CLCN5: variants seen among roughly 807,000 people sequenced by gnomAD.
CLCN5 encodes the protein H(+)/Cl(-) exchange transporter 5.
Under a neutral mutation model 54.0 loss-of-function variants are expected in CLCN5, and 17 were observed. The ratio of observed to expected loss-of-function variants is 0.31; its 90% CI spans 0.22 to 0.47. CLCN5 has a LOEUF of 0.47. Ranked by LOEUF, CLCN5 falls within the 20% of genes least tolerant of loss-of-function variation. The pLI is 1.00. For synonymous variants in CLCN5, 222 were observed against 233.0 expected (o/e 0.95, Z 0.43); for missense variants, 448 against 646.7 (o/e 0.69, Z 3.33).
At chrX:50,046,407 C>T (rs1557187755) in intron 4 of CLCN5, among the ~76,000 whole-genome samples, 1 of 111,991 alleles carries the variant, frequency 8.9e-6, no homozygotes, top group Admixed American at 9.5e-5. Flanking sequence ...CCTTGCTACT[C>T]CCTAACTGTT....
intron 4 of CLCN5, among the ~76,000 whole-genome samples, chrX:50,063,743 C>T (rs374650196): frequency 2.7e-5 from 3 of 109,830 alleles, no homozygotes; most frequent in Non-Finnish European, 5.7e-5. Context: ...TGATGAACAT[C>T]GATGCAAAAA....
intron 3 of CLCN5, among the ~76,000 whole-genome samples, chrX:49,941,717 G>GA (rs1248689440): frequency 9.1e-6 from 1 of 110,380 alleles, no homozygotes; most frequent in Non-Finnish European, 1.9e-5. Context: ...CCCACAACCA[G>GA]AAAAAATATC....
In CLCN5 at chrX:49,925,188, C is replaced by T; in HGVS notation, c.-111C>T. 2 of 841,624 alleles carry T rather than the reference C, an allele frequency of 2.4e-6. No individual in the cohort carries two copies. The highest frequency in any genetic ancestry group is 6.3e-5 in the East Asian group (2 of 31,998). 69.4% of individuals were successfully genotyped at this position (841,624 alleles called of 1,213,427 possible). Reference sequence around the variant, plus strand: ...ATTTTCAGGTTTGGGGCTTTAGCCCCTTGGAGAAAACAGGGCCACATAGCT... The same window carrying T: ...ATTTTCAGGTTTGGGGCTTTAGCCCTTTGGAGAAAACAGGGCCACATAGCT... On this transcript the variant is annotated 5_prime_UTR_variant, in exon 3 of 15. Coordinates refer to ENST00000376091, the MANE Select transcript of CLCN5 (RefSeq NM_001127898.4).
intron 3 of CLCN5, among the ~76,000 whole-genome samples, chrX:50,033,002 G>C (rs570305937): frequency 5.4e-5 from 6 of 110,819 alleles, no homozygotes; most frequent in African/African-American, 1.6e-4. Context: ...GCTTGTTTTT[G>C]TCAGGTTTGT....
chrX:50,066,202 C>CAAAAAAAAAA (rs781827477), intron 4 of CLCN5, among the ~76,000 whole-genome samples: 3 of 65,313 alleles, frequency 4.6e-5, no homozygotes, highest in Admixed American at 1.6e-4. Context: ...AATTCCAGAG[C>CAAAAAAAAAA]AAAAAAAAAA....
At chrX:50,010,670 T>C in intron 3 of CLCN5, 1 of 175,608 alleles carries the variant, frequency 5.7e-6, no homozygotes, top group Non-Finnish European at 1.2e-5. Flanking sequence ...CCTGTCCTGG[T>C]TCCCCCTCTC....
At chrX:50,036,977 T>G (rs1227551608) in intron 3 of CLCN5, among the ~76,000 whole-genome samples, 1 of 112,325 alleles carries the variant, frequency 8.9e-6, no homozygotes, top group Non-Finnish European at 1.9e-5. Flanking sequence ...TGAGTGCTTT[T>G]TGTAGGTTTG....
chrX:50,011,359 T>G (rs1308149343), intron 3 of CLCN5, among the ~76,000 whole-genome samples: 1 of 112,415 alleles, frequency 8.9e-6, no homozygotes. Flanking sequence ...TACATTCTGG[T>G]AGGGACTCAT....
intron 3 of CLCN5, among the ~76,000 whole-genome samples, chrX:49,980,168 G>C (rs1292297597): frequency 1.8e-5 from 2 of 110,945 alleles, no homozygotes; most frequent in Non-Finnish European, 3.8e-5. Context: ...TGTTAAAATA[G>C]TATCTAAATC....
chrX:49,971,006 A>G (rs887933132), intron 3 of CLCN5, among the ~76,000 whole-genome samples: 4 of 109,901 alleles, frequency 3.6e-5, no homozygotes, highest in Non-Finnish European at 7.6e-5. Context: ...TGCAGTACAT[A>G]TTTTGTACTT....
chrX:50,008,324 T>C (rs1295865973), intron 3 of CLCN5: 1 of 217,223 alleles, frequency 4.6e-6, no homozygotes, highest in African/African-American at 2.9e-5. Context: ...ACATCTTTAA[T>C]GCAAAGCTCA....
chrX:50,090,576 TG>T, intron 13 of CLCN5, 62 bp downstream of exon 13: 1 of 1,163,551 alleles, frequency 8.6e-7, no homozygotes, highest in East Asian at 3.1e-5. Context: ...ATGCCTGAAA[TG>T]GGGGAAGACA....
intron 3 of CLCN5, chrX:50,009,137 AC>A: frequency 7.4e-6 from 2 of 271,593 alleles, no homozygotes; most frequent in East Asian, 2.2e-4. Context: ...TGGAGATACA[AC>A]GGTAAATAAG....
chrX:50,080,853 A>G (rs1437315795), intron 8 of CLCN5, 137 bp downstream of exon 8: 1 of 543,191 alleles, frequency 1.8e-6, no homozygotes, highest in Admixed American at 2.7e-5. Flanking sequence ...TCTAAGACCT[A>G]GGTCTTTCCA....
intron 8 of CLCN5, among the ~76,000 whole-genome samples, chrX:50,080,922 G>A (rs1465661225): frequency 1.8e-5 from 2 of 111,293 alleles, no homozygotes; most frequent in Non-Finnish European, 3.8e-5. Context: ...TTAGCCTCCT[G>A]AGGGTTCCTG....
At chrX:49,984,553 TTTTC>T (rs1395380473) in intron 3 of CLCN5, among the ~76,000 whole-genome samples, 11 of 111,714 alleles carry the variant, frequency 9.8e-5, no homozygotes, top group African/African-American at 2.9e-4. Context: ...TGCTTATTTC[TTTTC>T]TTTCTTTCTT....
At chrX:49,951,260 A>C (rs969782896) in intron 3 of CLCN5, among the ~76,000 whole-genome samples, 3 of 112,069 alleles carry the variant, frequency 2.7e-5, no homozygotes, top group Non-Finnish European at 5.6e-5. Flanking sequence ...TCTCATCCTT[A>C]TATCATGTAC....
Position 50,038,982 on chromosome X carries a change from A to G in CLCN5, c.17-3334A>G, listed in dbSNP as rs781992936. ...CTGCTAACAGTGAGTCATTCTACCA[A>G]TGAGATCAATAGTAGGCAGGGTGCT... On this transcript the variant is annotated intron_variant, in intron 3 of 14. Coordinates refer to ENST00000376091, the MANE Select transcript of CLCN5 (RefSeq NM_001127898.4). Among the ~76,000 whole-genome samples, 20 of 111,735 alleles carry G rather than the reference A, an allele frequency of 1.8e-4. No individual in the cohort carries two copies. The South Asian group carries it at 7.2e-3, about 40-fold the overall frequency.
At chrX:49,955,061 C>G (rs782566322) in intron 3 of CLCN5, among the ~76,000 whole-genome samples, 2 of 110,768 alleles carry the variant, frequency 1.8e-5, no homozygotes, top group African/African-American at 3.3e-5. Flanking sequence ...GTTACTAACT[C>G]GCCTTTCATG....
Sources: allele counts gnomAD v4.1 joint callset (sites outside exome capture counted in the v4.1 genomes callset), GRCh38; gene constraint gnomAD v4.1.1; transcripts MANE v1.5; gene names NCBI Gene and HGNC (gene_info 2026-07-23, HGNC 2026-07-21).